Variants in MACF1 observed in about 807,000 individuals in gnomAD.
MACF1 encodes the protein microtubule-actin cross-linking factor 1.
In MACF1, 193 loss-of-function variants were observed where a neutral mutation model predicts 854.8. The observed-to-expected ratio is 0.23, with a 90% confidence interval of 0.20 to 0.25. MACF1 has a LOEUF of 0.25. Among genes scored for constraint, MACF1 ranks in the 10% least tolerant of loss-of-function variants. The pLI is 1.00. For missense variants in MACF1, 7,722 were observed against 8,929.1 expected (o/e 0.86, Z 5.45); for synonymous variants, 3,185 against 3,226.7 (o/e 0.99, Z 0.44).
At chr1:39,483,086 C>CAAA (rs1198703166) in intron 99 of MACF1, among the ~76,000 whole-genome samples, 299 of 22,744 alleles carry the variant, frequency 0.013, 41 homozygotes, top group Middle Eastern at 0.071. Context: ...GACTCTGTCT[C>CAAA]AAAAAAAAAA....
intron 2 of MACF1, among the ~76,000 whole-genome samples, chr1:39,108,466 A>C (rs140355264): frequency 5.0e-4 from 73 of 145,130 alleles, no homozygotes; most frequent in African/African-American, 1.8e-3. Flanking sequence ...CCCTATTTGG[A>C]TTTACCTGGG....
At chr1:39,160,072 T>C (rs1292949064) in intron 2 of MACF1, among the ~76,000 whole-genome samples, 1 of 152,086 alleles carries the variant, frequency 6.6e-6, no homozygotes, top group Non-Finnish European at 1.5e-5. Flanking sequence ...CCCAACACTT[T>C]GGGAGGCTGA....
In MACF1 at chr1:39,357,552, G is replaced by A. The variant is rs752463253; in HGVS notation, c.11602G>A (p.Glu3868Lys). The A allele has an allele frequency of 6.2e-7, 1 of 1,614,192 alleles. No homozygotes were observed. The highest frequency in any genetic ancestry group is 8.5e-7 in the Non-Finnish European group (1 of 1,180,026). ...TACTTCCCTGGCCCAATCAGAGGCA[G>A]AACTGAAGCAGGTGCAGACACTTCA... ...YSTSLAQSEA[E>K]LKQVQTLQDE... Residue 3868 changes from glutamate (E) to lysine (K), a missense_variant, in exon 45 of 101, where the codon GAA becomes AAA. Around this residue, in one of 15 missense-constraint regions of MACF1, gnomAD observed 2,807 missense variants for 3,235.8 expected, o/e 0.87. Coordinates refer to ENST00000564288, the MANE Select transcript of MACF1 (RefSeq NM_001394062.1).
rs754072174 is a variant in MACF1 at position 39,316,527 on chromosome 1, C to T, written c.3586C>T (p.Arg1196Trp). 2.5e-5 allele frequency: 41 copies of T among 1,611,428 alleles called. No individual in the cohort carries two copies. Among genetic ancestry groups the T allele is most frequent in the South Asian group, 7.7e-5 (7 of 90,728 alleles). Residue 1196 changes from arginine (R) to tryptophan (W), a missense_variant and splice_region_variant, in exon 28 of 101, where the codon CGG becomes TGG. By Grantham distance (101) the Arg-to-Trp change is moderately radical. This residue lies in a region of MACF1 where 1,137 missense variants were observed against 1,263.0 expected (regional missense o/e 0.90). Coordinates refer to ENST00000564288, the MANE Select transcript of MACF1 (RefSeq NM_001394062.1). ...TCTGGAGGCCCATTGGTCGACATTA[C>T]GGGTGAGTTGCTCTGAGTTTCTTAG... Reference protein sequence around the residue: ...SALEAHWSTLRHWLSDVKDKN... With the variant: ...SALEAHWSTLWHWLSDVKDKN...
At position 39,335,356 on chromosome 1, in the gene MACF1, T is replaced by C. The variant is rs1646793398; in HGVS notation, c.8768T>C (p.Met2923Thr). Reference sequence around the variant, plus strand: ...ACAAAAATAGAAATTATTTCTCATATGAAGCAGTCTACCTCATGTCTAGAT... The same window carrying C: ...ACAAAAATAGAAATTATTTCTCATACGAAGCAGTCTACCTCATGTCTAGAT... ...AVTKIEIISH[M>T]KQSTSCLDSE... The change falls in exon 37 of 101, where the codon ATG becomes ACG. Residue 2923 changes from methionine (M) to threonine (T), a missense_variant. Met to Thr is a moderately conservative substitution (Grantham distance 81). Coordinates refer to ENST00000564288, the MANE Select transcript of MACF1 (RefSeq NM_001394062.1). 2 of 1,613,808 alleles carry C rather than the reference T, an allele frequency of 1.2e-6. No homozygotes were observed. The highest frequency in any genetic ancestry group is 8.5e-7 in the Non-Finnish European group (1 of 1,179,748).
chr1:39,327,405 T>C (rs769357212), intron 36 of MACF1, 52 bp downstream of exon 36: 2 of 1,528,028 alleles, frequency 1.3e-6, no homozygotes, highest in Non-Finnish European at 8.9e-7. Flanking sequence ...TTGAATGGTA[T>C]GAAGGCAGCT....
intron 97 of MACF1, among the ~76,000 whole-genome samples, chr1:39,477,131 T>TACAAACACAC (rs562347733): frequency 1.1e-5 from 1 of 91,340 alleles, no homozygotes; most frequent in Non-Finnish European, 2.0e-5. Context: ...TATATATATA[T>TACAAACACAC]ATATACACAC....
intron 20 of MACF1, among the ~76,000 whole-genome samples, chr1:39,296,736 A>G (rs1645909649): frequency 1.8e-5 from 1 of 54,648 alleles, no homozygotes. Context: ...AATAAAAAGA[A>G]AGAAAGAAAG....
At chr1:39,459,908 T>C in intron 91 of MACF1, 3 of 1,124,858 alleles carry the variant, frequency 2.7e-6, no homozygotes, top group South Asian at 1.3e-5. Flanking sequence ...TGGTGCTTTT[T>C]TCCCCCATTC....
At chr1:39,427,408 T>C (rs767446731) in intron 61 of MACF1, 47 bp from the exon 62 acceptor site, 3 of 1,570,224 alleles carry the variant, frequency 1.9e-6, no homozygotes, top group Non-Finnish European at 2.6e-6. Context: ...TTACCAGTTT[T>C]AATGTGACTT....
chr1:39,228,512 A>C (rs1177653481), intron 1 of MACF1, among the ~76,000 whole-genome samples: 1 of 152,176 alleles, frequency 6.6e-6, no homozygotes, highest in Non-Finnish European at 1.5e-5. Flanking sequence ...AGGTTGATGA[A>C]GATGTTGGAT....
intron 75 of MACF1, 44 bp downstream of exon 75, chr1:39,442,097 T>C (rs772189978): frequency 2.5e-6 from 4 of 1,594,726 alleles, no homozygotes; most frequent in African/African-American, 2.7e-5. Flanking sequence ...TGTTTTATTA[T>C]AGTTTTTAAA....
At chr1:39,209,668 A>G (rs114006305) in intron 1 of MACF1, among the ~76,000 whole-genome samples, 4,444 of 152,068 alleles carry the variant, frequency 0.029, 72 homozygotes, top group Non-Finnish European at 0.044. Context: ...TCCCTTTATC[A>G]TACTATTGGG....
chr1:39,219,649 A>G (rs1389057817), intron 1 of MACF1, among the ~76,000 whole-genome samples: 1 of 152,194 alleles, frequency 6.6e-6, no homozygotes, highest in East Asian at 1.9e-4. Flanking sequence ...CATTGGGAAC[A>G]TTAAGTGGTT....
intron 65 of MACF1, 121 bp downstream of exon 65, chr1:39,430,189 A>G (rs554525930): frequency 1.9e-6 from 2 of 1,059,232 alleles, no homozygotes; most frequent in Admixed American, 2.8e-5. Flanking sequence ...TTGTTTACTC[A>G]TGGACAGTAA....
chr1:39,303,192 C>CAA, intron 23 of MACF1, 114 bp downstream of exon 23: 1 of 1,202,706 alleles, frequency 8.3e-7, no homozygotes, highest in East Asian at 2.6e-5. Flanking sequence ...AAAGTTCCTC[C>CAA]TGGGAGAGGC....
chr1:39,267,506 T>A (rs1159105938), intron 6 of MACF1, among the ~76,000 whole-genome samples: 1 of 152,232 alleles, frequency 6.6e-6, no homozygotes, highest in Non-Finnish European at 1.5e-5. Context: ...ACTAGGATTA[T>A]AATAGGCGTG....
At chr1:39,284,876 A>G (rs1188239375) in intron 11 of MACF1, among the ~76,000 whole-genome samples, 2 of 152,236 alleles carry the variant, frequency 1.3e-5, no homozygotes, top group African/African-American at 4.8e-5. Flanking sequence ...TAGAGTAGGT[A>G]GTCCCTACAT....
rs151191283 is a variant in MACF1, at chr1:39,207,258, T to TTTTC, written c.109+2151_109+2154dup. 7.6e-3 allele frequency among the ~76,000 whole-genome samples: 1,145 copies of TTTTC among 150,788 alleles called. 8 individuals are homozygous for TTTTC. Among genetic ancestry groups the TTTTC allele is most frequent in the African/African-American group, 0.02 (796 of 40,406 alleles). On this transcript the variant is annotated intron_variant, in intron 1 of 100. Transcript: ENST00000564288. ...TTATGAGGAATGTTCATAGTTGTTT[T>TTTTC]TTTCTTTCTTTCTTTCTTTCTTTCT...
Sources: gnomAD v4.1 joint callset for allele counts (sites outside exome capture counted in the v4.1 genomes callset) on GRCh38, gnomAD v4.1.1 for gene constraint, gnomAD v4.1.1 regional missense constraint, MANE v1.5 for transcripts, NCBI Gene and HGNC (gene_info 2026-07-23, HGNC 2026-07-21) for gene names.